Variants in PCDHGA7 observed in about 807,000 individuals in gnomAD.
PCDHGA7 encodes protocadherin gamma-A7.
A neutral mutation model predicts 58.3 loss-of-function variants in PCDHGA7; 44 were observed. The observed-to-expected ratio is 0.75, with a 90% CI of 0.59 to 0.97. The LOEUF is 0.97. Ranked by LOEUF, PCDHGA7 falls within the 50% of genes least tolerant of loss-of-function variation. The pLI, the probability that PCDHGA7 is intolerant of heterozygous loss-of-function variation, is 0.00. For missense variants in PCDHGA7, 1,266 were observed against 1,188.7 expected, an observed-to-expected ratio of 1.06 and a Z score of -0.96; for synonymous variants, 516 against 504.2, an observed-to-expected ratio of 1.02 and a Z score of -0.31.
chr5:141,420,047 G>C (rs1242042066), intron 1 of PCDHGA7: 1 of 1,613,958 alleles, frequency 6.2e-7, no homozygotes, highest in East Asian at 2.2e-5. Flanking sequence ...CTTTGAGTCA[G>C]TTCTCTGCTC....
intron 1 of PCDHGA7, among the ~76,000 whole-genome samples, chr5:141,473,329 G>A (rs2099319416): frequency 6.6e-6 from 1 of 152,212 alleles, no homozygotes; most frequent in Non-Finnish European, 1.5e-5. Context: ...TTAAGTGCCT[G>A]CTGTGCTAGA....
rs761831761 is a variant in PCDHGA7 at position 141,485,471 on chromosome 5, G to A, written c.2425-9336G>A. The A allele has an allele frequency of 4.3e-6, 7 of 1,614,144 alleles. No homozygotes were observed. The Admixed American group carries it at 5.0e-5, about 12-fold the overall frequency. On this transcript the variant is annotated intron_variant, in intron 1 of 3. Transcript: ENST00000518325. This position sits in a 1 kb window ranked among gnomAD's most constrained non-coding sequence, Gnocchi z 5.7. ...CCGAGAGGCACTGTGTGGGCTCAGT[G>A]CCAGCTGCATCGTGCCCCTGGAGTT...
intron 3 of PCDHGA7, among the ~76,000 whole-genome samples, chr5:141,507,571 G>A (rs2099861692): frequency 6.6e-6 from 1 of 152,254 alleles, no homozygotes; most frequent in Non-Finnish European, 1.5e-5. Flanking sequence ...TGGGTCTGAG[G>A]AGATGCCAAG....
chr5:141,443,618 G>A (rs901899343), intron 1 of PCDHGA7, among the ~76,000 whole-genome samples: 2 of 152,178 alleles, frequency 1.3e-5, no homozygotes, highest in Non-Finnish European at 2.9e-5. Context: ...TTATAATCAG[G>A]TGATTGTAAA....
intron 1 of PCDHGA7, chr5:141,392,507 T>TC (rs2092547058): frequency 4.3e-6 from 1 of 231,946 alleles, no homozygotes; most frequent in East Asian, 8.6e-5. Context: ...GATTTTTTTT[T>TC]CTCAGTAATC....
In PCDHGA7 at chr5:141,489,180, C is replaced by T. The variant is rs942218118; in HGVS notation, c.2425-5627C>T. 7.9e-7 allele frequency: 1 copy of T among 1,259,748 alleles called. No homozygotes were observed. The highest frequency in any genetic ancestry group is 2.0e-4 in the Middle Eastern group (1 of 5,096). The allele number at this position is 1,259,748 out of a possible 1,614,324, so 78.0% of individuals were successfully genotyped here. A position where few individuals can be genotyped will look rare whatever the true frequency, so the allele number is the denominator to read the frequency against. On this transcript the variant is annotated intron_variant, in intron 1 of 3. Coordinates refer to ENST00000518325, the MANE Select transcript of PCDHGA7 (RefSeq NM_018920.4). This position sits in a 1 kb window ranked among gnomAD's most constrained non-coding sequence, Gnocchi z 4.5. ...GACTTCAGCTGCTGCATTCCAAGCCCTGGGTCTACCTTGGAGACAGGACAG... is the reference window on the plus strand; with the variant it reads ...GACTTCAGCTGCTGCATTCCAAGCCTTGGGTCTACCTTGGAGACAGGACAG...
intron 1 of PCDHGA7, chr5:141,479,660 A>G (rs1206947602): frequency 6.6e-6 from 1 of 152,266 alleles, no homozygotes; most frequent in African/African-American, 2.4e-5. Flanking sequence ...ACAATCCCAG[A>G]AACTACAAAA....
In PCDHGA7 at chr5:141,432,854, G is replaced by A. The variant is rs769962088; in HGVS notation, c.2424+47531G>A. 1 of 1,614,192 alleles carries A rather than the reference G, an allele frequency of 6.2e-7. No homozygotes were observed. On this transcript the variant is annotated intron_variant, in intron 1 of 3. Transcript: ENST00000518325. The surrounding 1 kb of genome is among the most constrained non-coding windows in gnomAD (Gnocchi z 6.0). ...TCTGTACCTGGTGGTAGCGGTGGCC[G>A]CGGTCTCCTGCGTCTTCCTGGCCTT...
intron 1 of PCDHGA7, among the ~76,000 whole-genome samples, chr5:141,406,290 G>A (rs2094788974): frequency 6.6e-6 from 1 of 151,998 alleles, no homozygotes; most frequent in Non-Finnish European, 1.5e-5. Flanking sequence ...AAAGCACTGG[G>A]TGAGGTGTGA....
chr5:141,402,854 C>A, intron 1 of PCDHGA7: 2 of 1,423,530 alleles, frequency 1.4e-6, no homozygotes, highest in Non-Finnish European at 1.8e-6. Flanking sequence ...CCTCTTTCTT[C>A]TAAGGAAAAG....
chr5:141,498,827 G>C (rs2099786072), intron 2 of PCDHGA7, among the ~76,000 whole-genome samples: 1 of 152,102 alleles, frequency 6.6e-6, no homozygotes, highest in Non-Finnish European at 1.5e-5. Context: ...CAGCTACTCA[G>C]GAGGCTGAGG....
chr5:141,408,527 G>T lies in PCDHGA7; in HGVS notation c.2424+23204G>T, dbSNP rs1239443007. ...AAGATGTGAGTTGCAATTGGAAGCT[G>T]TGGTGGAAAATCCTTTAAATATTTT... On this transcript the variant is annotated intron_variant, in intron 1 of 3. Coordinates refer to ENST00000518325, the MANE Select transcript of PCDHGA7 (RefSeq NM_018920.4). 2.5e-6 allele frequency: 4 copies of T among 1,613,954 alleles called. No homozygotes were observed. The African/African-American group carries it at 5.3e-5, about 22-fold the overall frequency.
At chr5:141,388,784 T>A in intron 1 of PCDHGA7, 1 of 1,613,942 alleles carries the variant, frequency 6.2e-7, no homozygotes, top group Non-Finnish European at 8.5e-7. Flanking sequence ...GGGAAATTAC[T>A]GTTTTAAATA....
chr5:141,432,864 G>A lies in PCDHGA7; in HGVS notation c.2424+47541G>A. On this transcript the variant is annotated intron_variant, in intron 1 of 3. Coordinates refer to ENST00000518325, the MANE Select transcript of PCDHGA7 (RefSeq NM_018920.4). The surrounding 1 kb of genome is among the most constrained non-coding windows in gnomAD (Gnocchi z 6.0). ...GTGGTAGCGGTGGCCGCGGTCTCCT[G>A]CGTCTTCCTGGCCTTCGTCATCTTG... 6.2e-7 allele frequency: 1 copy of A among 1,614,168 alleles called. No individual in the cohort carries two copies. Among genetic ancestry groups the A allele is most frequent in the South Asian group, 1.1e-5 (1 of 91,084 alleles).
At chr5:141,500,991 C>T (rs2099804636) in intron 2 of PCDHGA7, among the ~76,000 whole-genome samples, 1 of 152,024 alleles carries the variant, frequency 6.6e-6, no homozygotes, top group South Asian at 2.1e-4. Flanking sequence ...GCCTCAGCCT[C>T]CTGAGTAGCT....
intron 1 of PCDHGA7, among the ~76,000 whole-genome samples, chr5:141,449,891 A>G (rs2098658520): frequency 6.6e-6 from 1 of 151,872 alleles, no homozygotes; most frequent in Non-Finnish European, 1.5e-5. Flanking sequence ...CAATATAATT[A>G]TTTAGCCTAT....
chr5:141,407,497 G>GTTTTTTT (rs1554102286), intron 1 of PCDHGA7, among the ~76,000 whole-genome samples: 1 of 152,088 alleles, frequency 6.6e-6, no homozygotes, highest in African/African-American at 2.4e-5. Context: ...CTTTATTTCT[G>GTTTTTTT]TTTTTCTTAG....
At chr5:141,421,564 G>C in intron 1 of PCDHGA7, 1 of 1,613,982 alleles carries the variant, frequency 6.2e-7, no homozygotes, top group Non-Finnish European at 8.5e-7. Context: ...TCTCGTGGAA[G>C]ACACCTTGAA....
At chr5:141,465,094 GT>G (rs138941665) in intron 1 of PCDHGA7, among the ~76,000 whole-genome samples, 203 of 148,178 alleles carry the variant, frequency 1.4e-3, no homozygotes, top group Admixed American at 7.3e-3. Context: ...TTTTCTAGTA[GT>G]TTTTTTTTTA....
Sources: allele counts gnomAD v4.1 joint callset (sites outside exome capture counted in the v4.1 genomes callset), GRCh38; gene constraint gnomAD v4.1.1; non-coding constraint Gnocchi (gnomAD v3.1); transcripts MANE v1.5; gene names NCBI Gene and HGNC (gene_info 2026-07-23, HGNC 2026-07-21).